Variants in CASP2 observed in about 807,000 individuals in gnomAD.
CASP2 encodes caspase-2.
CASP2 carries 38 observed loss-of-function variants against 54.4 expected under a neutral mutation model. The observed-to-expected ratio is 0.70, with a 90% CI of 0.54 to 0.92. The LOEUF is 0.92. Ranked by LOEUF, CASP2 falls within the 40% of genes least tolerant of loss-of-function variation. The pLI is 0.00. For synonymous variants in CASP2, 215 were observed against 216.3 expected (o/e 0.99, Z 0.05); for missense variants, 512 against 579.6 (o/e 0.88, Z 1.20).
intron 8 of CASP2, chr7:143,300,708 C>T: frequency 8.3e-7 from 1 of 1,201,472 alleles, no homozygotes; most frequent in Middle Eastern, 3.8e-4. Context: ...GTTCTTTTCA[C>T]TTGTTCCATA....
chr7:143,296,489 A>C (rs761540788), intron 6 of CASP2, among the ~76,000 whole-genome samples: 2 of 152,250 alleles, frequency 1.3e-5, no homozygotes, highest in Non-Finnish European at 2.9e-5. Flanking sequence ...TAAGTGGAGG[A>C]GGCAGAACTT....
intron 1 of CASP2, among the ~76,000 whole-genome samples, chr7:143,288,960 A>G (rs947083898): frequency 2.6e-5 from 4 of 152,220 alleles, no homozygotes; most frequent in South Asian, 2.1e-4. Flanking sequence ...TTTGATTTGT[A>G]TCGATTGTAT....
chr7:143,294,260 A>T lies in CASP2; in HGVS notation c.506A>T (p.Asp169Val). ...DTVEHSLDNK[D>V]GPVCLQVKPC... is the part of the protein sequence containing the mutation. ...GTGGAACACTCCCTAGACAATAAAG[A>T]TGGTCCTGTCTGCCTTCAGGTGAAG... The change falls in exon 5 of 11, where the codon GAT becomes GTT. Residue 169 changes from aspartate (D) to valine (V), a missense_variant. Asp to Val is a radical substitution (Grantham distance 152). This residue lies in a region of CASP2 where 417 missense variants were observed against 495.4 expected (regional missense o/e 0.84). Coordinates refer to ENST00000310447, the MANE Select transcript of CASP2 (RefSeq NM_032982.4). The T allele has an allele frequency of 1.9e-6, 3 of 1,611,474 alleles. No homozygotes were observed. The highest frequency in any genetic ancestry group is 2.5e-6 in the Non-Finnish European group (3 of 1,177,596).
chr7:143,300,869 A>G, intron 8 of CASP2: 1 of 1,123,652 alleles, frequency 8.9e-7, no homozygotes, highest in Non-Finnish European at 1.1e-6. Context: ...TCTCTCATGC[A>G]GTCTGTTTTA....
rs558810980 is a variant in CASP2 at position 143,292,259 on chromosome 7, G to C, written c.226-41G>C. 23 of 1,600,202 alleles carry C rather than the reference G, an allele frequency of 1.4e-5. No homozygotes were observed. The East Asian group carries it at 4.5e-4, about 31-fold the overall frequency. On this transcript the variant is annotated intron_variant, in intron 2 of 10. Transcript: ENST00000310447. ...ATGTGGAGAAATAGAATTATAGCTA[G>C]AGAAGTAAATATGATTTCATGTTTT...
intron 1 of CASP2, among the ~76,000 whole-genome samples, chr7:143,290,055 CTTTTTTTTTTTTT>C (rs35440867): frequency 9.6e-5 from 11 of 114,550 alleles, no homozygotes; most frequent in Middle Eastern, 6.8e-3. Flanking sequence ...TTTTCCCTCC[CTTTTTTTTTTTTT>C]TTTTTTTTTT....
chr7:143,289,762 C>A, intron 1 of CASP2: 1 of 239,086 alleles, frequency 4.2e-6, no homozygotes, highest in Non-Finnish European at 6.8e-6. Flanking sequence ...AGCTCTTTTT[C>A]TTGTAGCCAG....
rs1337446463 is a variant in CASP2, at chr7:143,294,696, G to T, written c.670G>T (p.Val224Leu). ...ACTGGAATTTCGCTCTGGAGGGGAT[G>T]TGGACCACAGTACTCTAGTCACCCT... ...KELEFRSGGD[V>L]DHSTLVTLFK... Residue 224 changes from valine (V) to leucine (L), a missense_variant, in exon 6 of 11, where the codon GTG (valine) becomes TTG (leucine). Physicochemically the swap from Val to Leu is conservative, Grantham distance 32 (BLOSUM62 1). Transcript: ENST00000310447. The T allele has an allele frequency of 6.2e-7, 1 of 1,614,206 alleles. No homozygotes were observed. The highest frequency in any genetic ancestry group is 8.5e-7 in the Non-Finnish European group (1 of 1,180,032).
At chr7:143,293,681 TTG>T (rs1801656864) in intron 4 of CASP2, among the ~76,000 whole-genome samples, 1 of 151,680 alleles carries the variant, frequency 6.6e-6, no homozygotes. Context: ...AGCTAATTTT[TTG>T]TGTTTTTAGT....
chr7:143,305,219 C>G lies in CASP2; in HGVS notation c.*148C>G. 2.8e-6 allele frequency: 3 copies of G among 1,057,868 alleles called. No homozygotes were observed. Among genetic ancestry groups the G allele is most frequent in the Non-Finnish European group, 4.2e-6 (3 of 708,468 alleles). The allele number at this position is 1,057,868 out of a possible 1,614,324, so 65.5% of individuals were successfully genotyped here. ...GACTTGTTTCCTGTGCCCATCATCT[C>G]TGCCTTTGAGTGTGGGACTCCAGGC... On this transcript the variant is annotated 3_prime_UTR_variant, in exon 11 of 11. Transcript: ENST00000310447.
intron 1 of CASP2, chr7:143,289,549 G>A: frequency 6.3e-6 from 5 of 797,992 alleles, no homozygotes; most frequent in Non-Finnish European, 7.6e-6. Flanking sequence ...AACTGGGTAG[G>A]CAGAGAGAAG....
Position 143,292,458 on chromosome 7 carries a change from A to T in CASP2, c.384A>T (p.Val128=), listed in dbSNP as rs745514145. Residue 128 remains valine, a synonymous_variant, in exon 3 of 11, where the codon GTA becomes GTT. Transcript: ENST00000310447. ...CCACCCTTTCTGGGCTTCAGCATGT[A>T]CTCCCACCGGTATGAAGCTTTAGTA... ...LLTTLSGLQH[V]LPPLSCDYDL... is the part of the protein sequence containing the mutation. The T allele has an allele frequency of 1.2e-6, 2 of 1,613,752 alleles. No homozygotes were observed. The highest frequency in any genetic ancestry group is 4.5e-5 in the East Asian group (2 of 44,870).
At chr7:143,296,528 G>GAA (rs1801756197) in intron 6 of CASP2, among the ~76,000 whole-genome samples, 2 of 152,220 alleles carry the variant, frequency 1.3e-5, no homozygotes, top group African/African-American at 4.8e-5. Context: ...AGAAGTTACT[G>GAA]AAGCAGAGAG....
intron 6 of CASP2, among the ~76,000 whole-genome samples, chr7:143,295,829 C>T (rs996683844): frequency 6.6e-6 from 1 of 152,182 alleles, no homozygotes; most frequent in East Asian, 1.9e-4. Context: ...TAAATCCACC[C>T]TTGCTTCAAA....
chr7:143,292,571 G>T (rs1801608099), intron 3 of CASP2, 46 bp from the exon 4 acceptor site: 1 of 1,605,910 alleles, frequency 6.2e-7, no homozygotes, highest in Admixed American at 1.7e-5. Flanking sequence ...ATTTGGACCG[G>T]ACCACTTCCC....
chr7:143,294,626 C>G lies in CASP2; in HGVS notation c.600C>G (p.Gly200=). The change falls in exon 6 of 11, where the codon GGC becomes GGG. Residue 200 remains glycine (G), a synonymous_variant. Transcript: ENST00000310447. ...ATAGGTTGCAGTCTCGGCCTCGTGG[C>G]CTAGCACTGGTGTTGAGCAATGTGC... ...LAYRLQSRPR[G]LALVLSNVHF... 6.2e-7 allele frequency: 1 copy of G among 1,614,208 alleles called. No individual in the cohort carries two copies. Among genetic ancestry groups the G allele is most frequent in the Non-Finnish European group, 8.5e-7 (1 of 1,180,036 alleles).
intron 5 of CASP2, 112 bp from the exon 6 acceptor site, chr7:143,294,485 C>A: frequency 8.6e-7 from 1 of 1,167,444 alleles, no homozygotes; most frequent in Non-Finnish European, 1.3e-6. Context: ...TTTTTACCTG[C>A]TGGAGGTTAA....
At position 143,299,934 on chromosome 7, in the gene CASP2, G is replaced by C; in HGVS notation, c.759G>C (p.Glu253Asp). The C allele has an allele frequency of 6.2e-7, 1 of 1,614,182 alleles. No individual in the cohort carries two copies. The highest frequency in any genetic ancestry group is 8.5e-7 in the Non-Finnish European group (1 of 1,180,022). The change falls in exon 7 of 11, where the codon GAG (glutamate) becomes GAC (aspartate). Residue 253 changes from glutamate to aspartate, a missense_variant. By Grantham distance (45) the Glu-to-Asp change is conservative. Transcript: ENST00000310447. ...TTCCTTTCTTTTAGGAAATGCAAGAGAAACTGCAGAATTTTGCACAGTTAC... is the reference window on the plus strand; with the variant it reads ...TTCCTTTCTTTTAGGAAATGCAAGACAAACTGCAGAATTTTGCACAGTTAC... ...LCDQTAQEMQ[E>D]KLQNFAQLPA...
intron 6 of CASP2, among the ~76,000 whole-genome samples, chr7:143,296,733 C>CAA (rs11297426): frequency 5.8e-5 from 8 of 138,814 alleles, no homozygotes; most frequent in Middle Eastern, 3.5e-3. Flanking sequence ...GAAACAGAAC[C>CAA]AAAAAAAAAA....
Sources: allele counts gnomAD v4.1 joint callset (sites outside exome capture counted in the v4.1 genomes callset), GRCh38; gene constraint gnomAD v4.1.1; regional missense constraint gnomAD v4.1.1; transcripts MANE v1.5; gene names NCBI Gene and HGNC (gene_info 2026-07-23, HGNC 2026-07-21).